Variants in AMOTL1 observed in about 807,000 individuals in gnomAD.
AMOTL1 encodes the protein angiomotin like 1.
In AMOTL1, 45 loss-of-function variants were observed where a neutral mutation model predicts 102.9. That is an observed-to-expected ratio of 0.44 (90% CI 0.34 to 0.56). The LOEUF is 0.56. Among genes scored for constraint, AMOTL1 ranks in the 20% least tolerant of loss-of-function variants. The pLI, the probability that AMOTL1 is intolerant of heterozygous loss-of-function variation, is 0.01. For synonymous variants in AMOTL1, 481 were observed against 484.7 expected, an observed-to-expected ratio of 0.99 and a Z score of 0.10; for missense variants, 1,114 against 1,225.6, an observed-to-expected ratio of 0.91 and a Z score of 1.36.
At position 94,723,049 on chromosome 11, in the gene AMOTL1, G is replaced by A. The variant is rs75971921; in HGVS notation, c.-50-5872G>A. On this transcript the variant is annotated intron_variant, in intron 1 of 4. Coordinates refer to the AMOTL1 transcript ENST00000299004. ...TGACAAATCTTTTGTTATGATTTCC[G>A]ATTTAACCCTGCTTTATGTGAGGAG... Among the ~76,000 whole-genome samples, 62 of 152,172 alleles carry A rather than the reference G, an allele frequency of 4.1e-4. 1 individual carries two copies. In the East Asian group the frequency reaches 0.011, roughly 27 times the overall value.
intron 3 of AMOTL1, among the ~76,000 whole-genome samples, chr11:94,752,710 G>A (rs1950671821): frequency 6.6e-6 from 1 of 152,192 alleles, no homozygotes; most frequent in African/African-American, 2.4e-5. Flanking sequence ...TGGACACTGA[G>A]ACTGCTTTCA....
intron 3 of AMOTL1, among the ~76,000 whole-genome samples, chr11:94,755,706 C>G (rs1002139230): frequency 6.6e-6 from 1 of 151,964 alleles, no homozygotes; most frequent in African/African-American, 2.4e-5. Context: ...TCCTAGAGGC[C>G]GCATGCAGAC....
chr11:94,804,539 A>G (rs1951535627), intron 3 of AMOTL1, among the ~76,000 whole-genome samples: 1 of 152,120 alleles, frequency 6.6e-6, no homozygotes, highest in African/African-American at 2.4e-5. Context: ...CAGTCTACTC[A>G]CCTTGGCCTC....
chr11:94,846,506 A>G (rs914166224), intron 6 of AMOTL1, among the ~76,000 whole-genome samples: 27 of 152,374 alleles, frequency 1.8e-4, no homozygotes, highest in Non-Finnish European at 2.6e-4. Flanking sequence ...CCATAAGTGG[A>G]AGAGCTGGGT....
chr11:94,798,168 A>G (rs1203543029), intron 2 of AMOTL1, among the ~76,000 whole-genome samples: 1 of 152,176 alleles, frequency 6.6e-6, no homozygotes, highest in Non-Finnish European at 1.5e-5. Flanking sequence ...CCTTCTGTGA[A>G]CATCTCTCCT....
intron 3 of AMOTL1, among the ~76,000 whole-genome samples, chr11:94,759,454 T>G (rs530673686): frequency 1.6e-4 from 25 of 152,262 alleles, no homozygotes; most frequent in Non-Finnish European, 1.0e-4. Flanking sequence ...GAAATAATTC[T>G]ATAGTTGAGT....
intron 1 of AMOTL1, among the ~76,000 whole-genome samples, chr11:94,723,041 TG>T (rs1004761484): frequency 6.6e-6 from 1 of 152,154 alleles, no homozygotes; most frequent in Non-Finnish European, 1.5e-5. Flanking sequence ...TCTTTTGTTA[TG>T]ATTTCCGATT....
At chr11:94,719,386 G>A (rs1483821697) in intron 1 of AMOTL1, among the ~76,000 whole-genome samples, 1 of 151,926 alleles carries the variant, frequency 6.6e-6, no homozygotes, top group Non-Finnish European at 1.5e-5. Context: ...TACTAAATAA[G>A]TATAATGTAC....
chr11:94,755,190 T>C (rs550192003), intron 3 of AMOTL1, among the ~76,000 whole-genome samples: 1 of 152,348 alleles, frequency 6.6e-6, no homozygotes, highest in Non-Finnish European at 1.5e-5. Context: ...TTCAGGGATT[T>C]GATGCGTGCT....
At chr11:94,854,843 G>A (rs1952627517) in intron 8 of AMOTL1, among the ~76,000 whole-genome samples, 1 of 152,098 alleles carries the variant, frequency 6.6e-6, no homozygotes, top group Admixed American at 6.5e-5. Flanking sequence ...GGAGAGGAAG[G>A]GATGTAAGAC....
intron 3 of AMOTL1, among the ~76,000 whole-genome samples, chr11:94,751,778 G>GCACACACA (rs71036341): frequency 8.9e-5 from 13 of 146,738 alleles, no homozygotes; most frequent in East Asian, 8.0e-4. Context: ...CATTCACACA[G>GCACACACA]CACACACACA....
In AMOTL1 at chr11:94,831,502, C is replaced by T. The variant is rs1386093943; in HGVS notation, c.1609C>T (p.His537Tyr). The T allele has an allele frequency of 1.9e-6, 3 of 1,613,804 alleles. No homozygotes were observed. The highest frequency in any genetic ancestry group is 2.5e-6 in the Non-Finnish European group (3 of 1,179,828). Residue 537 changes from histidine to tyrosine, a missense_variant, in exon 6 of 13, where the codon CAT becomes TAT. Physicochemically the swap from His to Tyr is moderately conservative, Grantham distance 83. Transcript: ENST00000433060. ...ACTATCCAGCAGGGAATACGAAGGG[C>T]ATGAAGACAAAGCTGCAGAGGGGCA... ...RQLSSREYEG[H>Y]EDKAAEGHYA...
intron 2 of AMOTL1, among the ~76,000 whole-genome samples, chr11:94,738,127 A>T (rs1378732720): frequency 1.3e-5 from 2 of 152,228 alleles, no homozygotes; most frequent in African/African-American, 4.8e-5. Flanking sequence ...GCCTTAGATG[A>T]TTCATCCATA....
chr11:94,864,145 C>G (rs1008744972), intron 9 of AMOTL1, among the ~76,000 whole-genome samples: 1 of 152,018 alleles, frequency 6.6e-6, no homozygotes, highest in Non-Finnish European at 1.5e-5. Flanking sequence ...AGTAGGCATT[C>G]TATGCTGTAT....
Position 94,796,287 on chromosome 11 carries a change from G to A in AMOTL1, c.199+1127G>A, listed in dbSNP as rs573763178. Among the ~76,000 whole-genome samples the A allele has an allele frequency of 2.0e-5, 3 of 152,314 alleles. No homozygotes were observed. The South Asian group carries it at 6.2e-4, about 32-fold the overall frequency. Reference sequence around the variant, plus strand: ...CACAGAGGTGAGATTTTGGGGGTAAGGGTGACAGGGAGAGCCTTATGATCA... The same window carrying A: ...CACAGAGGTGAGATTTTGGGGGTAAAGGTGACAGGGAGAGCCTTATGATCA... On this transcript the variant is annotated intron_variant, in intron 2 of 12. Transcript: ENST00000433060.
In AMOTL1 at chr11:94,799,904, T is replaced by C. The variant is rs185089672; in HGVS notation, c.714T>C (p.Arg238=). 466 of 1,606,956 alleles carry C rather than the reference T, an allele frequency of 2.9e-4. 2 individuals carry two copies. The African/African-American group carries it at 5.7e-3, about 20-fold the overall frequency. ...CTGAGGGGAGGCCCACTGTGAACCG[T>C]GCCAACAGTGGACAGGCGCATAAGG... ...SRTEGRPTVN[R]ANSGQAHKDE... is the part of the protein sequence containing the mutation. The change falls in exon 3 of 13, where the codon CGT becomes CGC. Residue 238 remains arginine, a synonymous_variant. Transcript: ENST00000433060. The surrounding 1 kb of genome is among the most constrained non-coding windows in gnomAD (Gnocchi z 4.5).
chr11:94,800,049 G>T lies in AMOTL1; in HGVS notation c.859G>T (p.Gly287Cys), dbSNP rs1210561532. The change falls in exon 3 of 13, where the codon GGC (glycine) becomes TGC (cysteine). Residue 287 changes from glycine to cysteine, a missense_variant. Physicochemically the swap from Gly to Cys is radical, Grantham distance 159. Transcript: ENST00000433060. ...QHLPGSGNGK[G>C]FKVGGGPSPA... The stretch of plus-strand genomic sequence containing the variant: ...CCTTCCCGGCTCGGGGAATGGAAAG[G>T]GCTTCAAAGTAGGAGGGGGGCCCTC... 6.2e-7 allele frequency: 1 copy of T among 1,614,030 alleles called. No homozygotes were observed. The highest frequency in any genetic ancestry group is 8.5e-7 in the Non-Finnish European group (1 of 1,179,878).
Position 94,800,068 on chromosome 11 carries a change from G to T in AMOTL1, c.878G>T (p.Gly293Val), listed in dbSNP as rs1249679249. ...GNGKGFKVGG[G>V]PSPAQPAGKV... Reference sequence around the variant, plus strand: ...GGAAAGGGCTTCAAAGTAGGAGGGGGGCCCTCCCCTGCCCAGCCTGCAGGT... The same window carrying T: ...GGAAAGGGCTTCAAAGTAGGAGGGGTGCCCTCCCCTGCCCAGCCTGCAGGT... The change falls in exon 3 of 13, where the codon GGG becomes GTG. Residue 293 changes from glycine (G) to valine (V), a missense_variant. Coordinates refer to ENST00000433060, the MANE Select transcript of AMOTL1 (RefSeq NM_130847.3). 1 of 1,613,980 alleles carries T rather than the reference G, an allele frequency of 6.2e-7. No homozygotes were observed. Among genetic ancestry groups the T allele is most frequent in the African/African-American group, 1.3e-5 (1 of 75,064 alleles).
At chr11:94,728,214 G>A (rs1462306589) in intron 1 of AMOTL1, among the ~76,000 whole-genome samples, 2 of 152,090 alleles carry the variant, frequency 1.3e-5, no homozygotes, top group Non-Finnish European at 2.9e-5. Flanking sequence ...TTGGCCATGA[G>A]TTGTAATCAG....
Sources: gnomAD v4.1 joint callset for allele counts (sites outside exome capture counted in the v4.1 genomes callset) on GRCh38, gnomAD v4.1.1 for gene constraint, Gnocchi (gnomAD v3.1) non-coding constraint, MANE v1.5 for transcripts, NCBI Gene and HGNC (gene_info 2026-07-23, HGNC 2026-07-21) for gene names.